Variants in SPATA13 observed in about 807,000 individuals in gnomAD.
SPATA13 encodes spermatogenesis-associated protein 13.
Under a neutral mutation model 104.0 loss-of-function variants are expected in SPATA13, and 50 were observed. The ratio of observed to expected loss-of-function variants is 0.48; its 90% CI spans 0.38 to 0.61. SPATA13 has a LOEUF of 0.61. Among genes scored for constraint, SPATA13 ranks in the 20% least tolerant of loss-of-function variants. The probability of loss-of-function intolerance (pLI) is 0.00; values close to 1 mark genes in which losing one functional copy is unlikely to be tolerated. For missense variants in SPATA13, 1,524 were observed against 1,690.6 expected, an observed-to-expected ratio of 0.90 and a Z score of 1.73; for synonymous variants, 606 against 667.5, an observed-to-expected ratio of 0.91 and a Z score of 1.42.
intron 3 of SPATA13, among the ~76,000 whole-genome samples, chr13:24,110,958 A>G (rs553806553): frequency 6.6e-6 from 1 of 152,134 alleles, no homozygotes; most frequent in East Asian, 1.9e-4. Flanking sequence ...CTTGCTCTTG[A>G]CCAGGCTGGA....
At chr13:24,093,375 A>G (rs1005951000) in intron 3 of SPATA13, among the ~76,000 whole-genome samples, 4 of 152,180 alleles carry the variant, frequency 2.6e-5, no homozygotes, top group Admixed American at 2.0e-4. Flanking sequence ...CAAACACTCT[A>G]TCACCATTTG....
chr13:24,094,459 A>G (rs1466115678), intron 3 of SPATA13, among the ~76,000 whole-genome samples: 1 of 152,250 alleles, frequency 6.6e-6, no homozygotes, highest in Non-Finnish European at 1.5e-5. Flanking sequence ...AGCACACAGC[A>G]GGGCAAGGAA....
At chr13:24,019,084 A>ATTT (rs1876844151) in intron 3 of SPATA13, among the ~76,000 whole-genome samples, 2 of 136,570 alleles carry the variant, frequency 1.5e-5, no homozygotes, top group Admixed American at 7.4e-5. Flanking sequence ...TCTTATTATT[A>ATTT]TTATTATTAT....
At chr13:24,168,087 G>T (rs566304489) in intron 1 of SPATA13, among the ~76,000 whole-genome samples, 2 of 151,908 alleles carry the variant, frequency 1.3e-5, no homozygotes, top group Non-Finnish European at 2.9e-5. Context: ...TTTTCATGTC[G>T]ACTTCATGAG....
chr13:24,291,756 A>ATTTTTTATTTTTTATTTTTTATTTTTTAT (rs1566197950), intron 9 of SPATA13, among the ~76,000 whole-genome samples: 1 of 136,468 alleles, frequency 7.3e-6, no homozygotes, highest in African/African-American at 2.7e-5. Context: ...TTATTTTTTT[A>ATTTTTTATTTTTTATTTTTTATTTTTTAT]TTTTTTTTTT....
intron 2 of SPATA13, among the ~76,000 whole-genome samples, chr13:23,994,984 C>T (rs1875610273): frequency 6.6e-6 from 1 of 152,152 alleles, no homozygotes; most frequent in Admixed American, 6.5e-5. Flanking sequence ...CTGGCAGTGT[C>T]TGGAGATGGT....
At chr13:24,079,017 G>A (rs1160549685) in intron 3 of SPATA13, among the ~76,000 whole-genome samples, 1 of 152,176 alleles carries the variant, frequency 6.6e-6, no homozygotes, top group Non-Finnish European at 1.5e-5. Flanking sequence ...GAAGATGTAG[G>A]GCACAGTTCA....
chr13:24,111,074 AT>A (rs11295105), intron 3 of SPATA13, among the ~76,000 whole-genome samples: 2,902 of 151,606 alleles, frequency 0.019, 85 homozygotes, highest in African/African-American at 0.066. Flanking sequence ...TGTATGGCTG[AT>A]TTTTTTTGTA....
intron 2 of SPATA13, among the ~76,000 whole-genome samples, chr13:24,245,833 C>A (rs150113068): frequency 6.6e-6 from 1 of 152,112 alleles, no homozygotes; most frequent in Non-Finnish European, 1.5e-5. Context: ...AAGCAATCCT[C>A]CTGCCTGAGC....
chr13:24,100,314 C>T (rs986346600), intron 3 of SPATA13, among the ~76,000 whole-genome samples: 2 of 152,202 alleles, frequency 1.3e-5, no homozygotes, highest in Admixed American at 6.5e-5. Context: ...AGAGGTACTG[C>T]CTGGCTCTCT....
chr13:24,102,680 G>A (rs1357573661), intron 3 of SPATA13, among the ~76,000 whole-genome samples: 2 of 151,958 alleles, frequency 1.3e-5, no homozygotes, highest in African/African-American at 4.8e-5. Context: ...CACCACGTGG[G>A]CCAGGCTGGT....
At chr13:24,070,422 C>T (rs1879117788) in intron 3 of SPATA13, among the ~76,000 whole-genome samples, 1 of 152,146 alleles carries the variant, frequency 6.6e-6, no homozygotes, top group Admixed American at 6.5e-5. Flanking sequence ...GAGGAGATAT[C>T]TCTTTCCAGA....
At position 24,151,571 on chromosome 13, in the gene SPATA13, A is replaced by G. The variant is rs539562320; in HGVS notation, c.-111-71248A>G. Among the ~76,000 whole-genome samples the G allele has an allele frequency of 3.1e-4, 47 of 152,374 alleles. No individual in the cohort carries two copies. In the South Asian group the frequency reaches 9.5e-3, roughly 31 times the overall value. On this transcript the variant is annotated intron_variant, in intron 3 of 14. Coordinates refer to the SPATA13 transcript ENST00000424834. ...TCTCTGTCAGGGTTTTGTAATAAAC[A>G]TTTCAAATTATGAATAGATGTCCAT...
intron 4 of SPATA13, 92 bp downstream of exon 4, chr13:24,251,954 G>A (rs866836314): frequency 2.6e-5 from 39 of 1,482,774 alleles, no homozygotes; most frequent in South Asian, 2.0e-4. Flanking sequence ...GCACCTTCGC[G>A]CCTCCCTTGG....
Position 24,040,735 on chromosome 13 carries a change from G to A in SPATA13, c.-112+23034G>A, listed in dbSNP as rs561011909. 4.6e-5 allele frequency among the ~76,000 whole-genome samples: 7 copies of A among 152,290 alleles called. No homozygotes were observed. In the South Asian group the frequency reaches 6.2e-4, roughly 14 times the overall value. On this transcript the variant is annotated intron_variant, in intron 3 of 14. Coordinates refer to the SPATA13 transcript ENST00000424834. ...ACCAATTGAAAGGGGGAAAAGGGTC[G>A]CTTCAAGGCACCCCAACTTTAGATT...
At chr13:24,000,050 G>A (rs1261378448) in intron 2 of SPATA13, among the ~76,000 whole-genome samples, 2 of 152,154 alleles carry the variant, frequency 1.3e-5, no homozygotes, top group East Asian at 1.9e-4. Context: ...TCACCAATAT[G>A]CATATTAAAA....
upstream of SPATA13, among the ~76,000 whole-genome samples, chr13:24,158,928 G>C (rs113726274): frequency 6.6e-6 from 1 of 152,190 alleles, no homozygotes; most frequent in African/African-American, 2.4e-5. Flanking sequence ...TGAGGGCCAG[G>C]CCTGTTTCCC....
chr13:23,982,271 T>C (rs2137647569), intron 1 of SPATA13, among the ~76,000 whole-genome samples: 1 of 152,314 alleles, frequency 6.6e-6, no homozygotes, highest in East Asian at 1.9e-4. Flanking sequence ...TGGTCCTGCA[T>C]GAAGACTTTG....
intron 12 of SPATA13, among the ~76,000 whole-genome samples, chr13:24,300,965 A>G (rs1323842318): frequency 1.3e-5 from 2 of 152,176 alleles, no homozygotes; most frequent in Admixed American, 1.3e-4. Flanking sequence ...ACAAAAAAAG[A>G]CACGTGAGCT....
Sources: gnomAD v4.1 joint callset for allele counts (sites outside exome capture counted in the v4.1 genomes callset) on GRCh38, gnomAD v4.1.1 for gene constraint, MANE v1.5 for transcripts, NCBI Gene and HGNC (gene_info 2026-07-23, HGNC 2026-07-21) for gene names.